TEC: variants seen among roughly 807,000 people sequenced by gnomAD.
TEC encodes tec protein tyrosine kinase, also known as tyrosine-protein kinase Tec.
TEC carries 72 observed loss-of-function variants against 93.0 expected under a neutral mutation model. That is an observed-to-expected ratio of 0.77 (90% CI 0.64 to 0.94). The LOEUF is 0.94. TEC is among the 40% of genes least tolerant of loss of function. The pLI is 0.00. For synonymous variants in TEC, 249 were observed against 247.7 expected, an observed-to-expected ratio of 1.01 and a Z score of -0.05; for missense variants, 630 against 757.9, an observed-to-expected ratio of 0.83 and a Z score of 1.98.
chr4:48,202,530 C>T (rs1422637899), intron 2 of TEC, among the ~76,000 whole-genome samples: 2 of 152,072 alleles, frequency 1.3e-5, no homozygotes, highest in Non-Finnish European at 2.9e-5. Flanking sequence ...CGCCCCACTG[C>T]ACTCCAGCCT....
At chr4:48,207,047 G>A (rs1426029574) in intron 2 of TEC, among the ~76,000 whole-genome samples, 5 of 152,170 alleles carry the variant, frequency 3.3e-5, no homozygotes, top group African/African-American at 4.8e-5. Flanking sequence ...CTTCTGCACC[G>A]TTGACAGGAA....
intron 2 of TEC, among the ~76,000 whole-genome samples, chr4:48,184,461 TGGGGTGTTGGCTGGAA>T (rs1721718701): frequency 6.6e-6 from 1 of 152,206 alleles, no homozygotes; most frequent in Non-Finnish European, 1.5e-5. Flanking sequence ...ATGTGACAGA[TGGGGTGTTGGCTGGAA>T]TTGAATCTCT....
intron 2 of TEC, among the ~76,000 whole-genome samples, chr4:48,220,217 T>G (rs1723216698): frequency 6.6e-6 from 1 of 151,436 alleles, no homozygotes; most frequent in Non-Finnish European, 1.5e-5. Flanking sequence ...CATCCAGCCA[T>G]GCAACATGTT....
At chr4:48,235,227 G>C (rs1260739581) in intron 1 of TEC, among the ~76,000 whole-genome samples, 1 of 152,128 alleles carries the variant, frequency 6.6e-6, no homozygotes, top group Non-Finnish European at 1.5e-5. Flanking sequence ...GGATCTACCT[G>C]CTCCCTTAAA....
intron 1 of TEC, among the ~76,000 whole-genome samples, chr4:48,241,456 A>G (rs1250830832): frequency 6.6e-6 from 1 of 152,190 alleles, no homozygotes; most frequent in African/African-American, 2.4e-5. Context: ...CAAGGAGAGA[A>G]ATCACATACA....
chr4:48,267,763 C>T (rs1014288989), intron 1 of TEC, among the ~76,000 whole-genome samples: 12 of 152,198 alleles, frequency 7.9e-5, no homozygotes, highest in African/African-American at 2.9e-4. Context: ...AACACTCATG[C>T]TGACTCTGCA....
chr4:48,176,183 T>A lies in TEC; in HGVS notation c.142A>T (p.Lys48Ter). 6.2e-7 allele frequency: 1 copy of A among 1,607,424 alleles called. No homozygotes were observed. The highest frequency in any genetic ancestry group is 8.5e-7 in the Non-Finnish European group (1 of 1,174,858). The change falls in exon 3 of 18, where the codon AAA becomes TAA. Residue 48 changes from lysine (K) to a stop codon, truncating the protein, a stop_gained. Transcript: ENST00000381501. LOFTEE classifies it high-confidence loss of function. ...LTYYEGRAEK[K>*]YRKGFIDVSK... ...ACATCAATAAACCCCTTTCTGTATT[T>A]CTTCTGTTAAAAGAAAAAAAGGAGA...
chr4:48,263,606 C>A (rs188930277), intron 1 of TEC, among the ~76,000 whole-genome samples: 40 of 152,110 alleles, frequency 2.6e-4, no homozygotes, highest in African/African-American at 8.9e-4. Context: ...CCCAGCTACT[C>A]GGGAGGCTGA....
At chr4:48,269,516 C>T (rs1200102389) in intron 1 of TEC, among the ~76,000 whole-genome samples, 1 of 152,272 alleles carries the variant, frequency 6.6e-6, no homozygotes, top group Non-Finnish European at 1.5e-5. Context: ...AATCTACTGC[C>T]GGCAGGAAGG....
intron 1 of TEC, among the ~76,000 whole-genome samples, chr4:48,258,070 T>C (rs1577675356): frequency 6.6e-6 from 1 of 152,160 alleles, no homozygotes; most frequent in African/African-American, 2.4e-5. Flanking sequence ...CTGAATCTCT[T>C]TCTTGAAACA....
At chr4:48,174,055 TAA>T (rs551597622) in intron 3 of TEC, among the ~76,000 whole-genome samples, 15 of 152,242 alleles carry the variant, frequency 9.9e-5, no homozygotes, top group Non-Finnish European at 2.1e-4. Context: ...TAAGTTATAA[TAA>T]GAGAGGGTAT....
chr4:48,141,447 T>C, intron 14 of TEC, 28 bp from the exon 15 acceptor site: 1 of 1,604,244 alleles, frequency 6.2e-7, no homozygotes, highest in Non-Finnish European at 8.5e-7. Flanking sequence ...GATGGTATAT[T>C]AGTTTAAAAA....
At chr4:48,241,035 T>C (rs1270303262) in intron 1 of TEC, among the ~76,000 whole-genome samples, 1 of 152,202 alleles carries the variant, frequency 6.6e-6, no homozygotes, top group Admixed American at 6.5e-5. Flanking sequence ...AATTATCAAC[T>C]ATACTCAAAA....
At chr4:48,144,416 G>A (rs755381456) in intron 14 of TEC, among the ~76,000 whole-genome samples, 1 of 151,998 alleles carries the variant, frequency 6.6e-6, no homozygotes, top group Non-Finnish European at 1.5e-5. Flanking sequence ...TATTTTCAGG[G>A]GACAGAGTGC....
chr4:48,210,537 G>A (rs1246930286), intron 2 of TEC, among the ~76,000 whole-genome samples: 1 of 151,902 alleles, frequency 6.6e-6, no homozygotes, highest in Non-Finnish European at 1.5e-5. Flanking sequence ...GGAGGAGGAG[G>A]AAGAGGGAGG....
intron 8 of TEC, among the ~76,000 whole-genome samples, chr4:48,162,358 C>G (rs540055489): frequency 4.9e-4 from 75 of 152,234 alleles, no homozygotes; most frequent in Non-Finnish European, 9.3e-4. Context: ...TTGAAACACT[C>G]GAGGCCATGA....
intron 2 of TEC, among the ~76,000 whole-genome samples, chr4:48,222,248 T>C (rs923322287): frequency 6.6e-6 from 1 of 152,072 alleles, no homozygotes; most frequent in Non-Finnish European, 1.5e-5. Flanking sequence ...CAACTGTAAG[T>C]AGGAGACACA....
At chr4:48,184,757 C>T (rs1360804600) in intron 2 of TEC, among the ~76,000 whole-genome samples, 2 of 131,506 alleles carry the variant, frequency 1.5e-5, no homozygotes, top group African/African-American at 5.7e-5. Flanking sequence ...AAGGACCAGG[C>T]AGACAAAAAA....
chr4:48,160,737 A>AAAG (rs548626669), intron 8 of TEC, among the ~76,000 whole-genome samples: 16 of 131,424 alleles, frequency 1.2e-4, no homozygotes, highest in East Asian at 4.8e-4. Flanking sequence ...CAGAAAAAAA[A>AAAG]AAAGAAAGAA....
Sources: allele counts gnomAD v4.1 joint callset (sites outside exome capture counted in the v4.1 genomes callset), GRCh38; gene constraint gnomAD v4.1.1; transcripts MANE v1.5; gene names NCBI Gene and HGNC (gene_info 2026-07-23, HGNC 2026-07-21).